Variants in TMEM117 observed in about 807,000 individuals in gnomAD.
TMEM117 encodes transmembrane protein 117.
Under a neutral mutation model 52.4 loss-of-function variants are expected in TMEM117, and 27 were observed. That is an observed-to-expected ratio of 0.51 (90% CI 0.38 to 0.71). The LOEUF is 0.71. Among genes scored for constraint, TMEM117 ranks in the 30% least tolerant of loss-of-function variants. The pLI is 0.00. For synonymous variants in TMEM117, 215 were observed against 206.3 expected (o/e 1.04, Z -0.36); for missense variants, 556 against 630.5 (o/e 0.88, Z 1.26).
intron 3 of TMEM117, among the ~76,000 whole-genome samples, chr12:43,996,166 A>G (rs1033484333): frequency 4.6e-5 from 7 of 152,224 alleles, no homozygotes; most frequent in East Asian, 1.9e-4. Context: ...AGAAAAAATG[A>G]AAGTTATTCA....
chr12:44,265,815 C>A (rs1180623864), intron 5 of TMEM117, among the ~76,000 whole-genome samples: 2 of 152,108 alleles, frequency 1.3e-5, no homozygotes. Flanking sequence ...TATTTATTTA[C>A]CTATTCTGGA....
chr12:44,123,159 CGTT>C (rs1201571234), intron 3 of TMEM117, among the ~76,000 whole-genome samples: 2 of 151,800 alleles, frequency 1.3e-5, no homozygotes, highest in South Asian at 2.1e-4. Context: ...CTCTAATAAT[CGTT>C]GTTGAGCTTT....
At chr12:44,090,839 G>GTTTTTTTTTTTTTTTTTTTTTTT (rs1264179472) in intron 3 of TMEM117, among the ~76,000 whole-genome samples, 2 of 104,802 alleles carry the variant, frequency 1.9e-5, no homozygotes, top group African/African-American at 4.5e-5. Context: ...GTATTTATGT[G>GTTTTTTTTTTTTTTTTTTTTTTT]TTTTTTTTTG....
chr12:44,300,141 G>T lies in TMEM117; in HGVS notation c.768+402G>T, dbSNP rs538021828. ...AAAAGCAATTGTCAAAGCAACTCAG[G>T]GTTTTATAGCAGTTGAAATGAAGTG... On this transcript the variant is annotated intron_variant, in intron 6 of 7. Transcript: ENST00000266534. Among the ~76,000 whole-genome samples, 5 of 152,188 alleles carry T rather than the reference G, an allele frequency of 3.3e-5. No homozygotes were observed. In the South Asian group the frequency reaches 1.0e-3, roughly 32 times the overall value.
intron 3 of TMEM117, among the ~76,000 whole-genome samples, chr12:44,031,782 G>T (rs1357541058): frequency 6.6e-6 from 1 of 152,100 alleles, no homozygotes; most frequent in African/African-American, 2.4e-5. Flanking sequence ...CTTAATTTAT[G>T]GCAATGTAGT....
rs1592690366 is a variant in TMEM117, at chr12:44,319,147, C to T, written c.768+19408C>T. On this transcript the variant is annotated intron_variant, in intron 6 of 7. Coordinates refer to ENST00000266534, the MANE Select transcript of TMEM117 (RefSeq NM_032256.3). ...CTACTCAGCACCAGAGCAAGCTCTG[C>T]AATCTCTGATCCAAGACTATAATGC... 2.0e-5 allele frequency among the ~76,000 whole-genome samples: 3 copies of T among 152,336 alleles called. No homozygotes were observed. The South Asian group carries it at 6.2e-4, about 32-fold the overall frequency.
At chr12:43,970,952 T>C (rs1945575027) in intron 3 of TMEM117, among the ~76,000 whole-genome samples, 1 of 152,182 alleles carries the variant, frequency 6.6e-6, no homozygotes, top group Non-Finnish European at 1.5e-5. Context: ...CATTTGAATA[T>C]GTCAACGGTA....
intron 5 of TMEM117, among the ~76,000 whole-genome samples, chr12:44,231,861 A>AT (rs1036750701): frequency 6.6e-6 from 1 of 151,692 alleles, no homozygotes; most frequent in African/African-American, 2.4e-5. Context: ...TATGGTGCTC[A>AT]TTTGGTACCT....
intron 2 of TMEM117, among the ~76,000 whole-genome samples, chr12:43,925,546 C>T (rs926012846): frequency 4.6e-5 from 7 of 152,178 alleles, no homozygotes; most frequent in African/African-American, 7.2e-5. Context: ...GCCACAGCTG[C>T]GGGCTTTAGG....
At chr12:44,260,433 T>A (rs1212221226) in intron 5 of TMEM117, among the ~76,000 whole-genome samples, 1 of 152,218 alleles carries the variant, frequency 6.6e-6, no homozygotes, top group Admixed American at 6.5e-5. Flanking sequence ...ACCTAAAGGA[T>A]GCTGTAATTC....
rs541099678 is a variant in TMEM117, at chr12:44,147,377, G to A, written c.510+3753G>A. Among the ~76,000 whole-genome samples the A allele has an allele frequency of 2.6e-5, 4 of 152,218 alleles. No individual in the cohort carries two copies. In the East Asian group the frequency reaches 7.7e-4, roughly 29 times the overall value. ...TGCCATTGCTGCTTCAGCTTCTGAT[G>A]AGGTCTAAGGTGGCAGGGGATTCCA... On this transcript the variant is annotated intron_variant, in intron 4 of 7. Coordinates refer to ENST00000266534, the MANE Select transcript of TMEM117 (RefSeq NM_032256.3).
At chr12:44,182,989 C>G (rs938447029) in intron 4 of TMEM117, among the ~76,000 whole-genome samples, 1 of 151,976 alleles carries the variant, frequency 6.6e-6, no homozygotes, top group Non-Finnish European at 1.5e-5. Context: ...TAAAATAATC[C>G]AATGAACATC....
chr12:43,928,224 C>A (rs17093941), intron 2 of TMEM117, among the ~76,000 whole-genome samples: 1 of 151,982 alleles, frequency 6.6e-6, no homozygotes, highest in Admixed American at 6.6e-5. Flanking sequence ...TACTTCCATG[C>A]GATTGCTGTT....
At chr12:44,366,229 A>G (rs1951787241) in intron 6 of TMEM117, among the ~76,000 whole-genome samples, 1 of 152,026 alleles carries the variant, frequency 6.6e-6, no homozygotes. Flanking sequence ...TGCTGTAGCC[A>G]CCTCAGGCTT....
chr12:43,858,643 C>T (rs1012301501), intron 2 of TMEM117, among the ~76,000 whole-genome samples: 1 of 152,158 alleles, frequency 6.6e-6, no homozygotes, highest in African/African-American at 2.4e-5. Flanking sequence ...CTACTCCATG[C>T]TTGTTATGAT....
intron 6 of TMEM117, among the ~76,000 whole-genome samples, chr12:44,355,308 G>A (rs1272738226): frequency 6.6e-6 from 1 of 152,030 alleles, no homozygotes; most frequent in Non-Finnish European, 1.5e-5. Context: ...CAAAATAAAT[G>A]TCTGAGAGAT....
intron 3 of TMEM117, among the ~76,000 whole-genome samples, chr12:44,095,539 G>A (rs916277646): frequency 9.2e-5 from 14 of 152,062 alleles, no homozygotes; most frequent in African/African-American, 3.4e-4. Context: ...GATAGTGAGT[G>A]TGTATTAGTA....
At chr12:44,245,971 AT>A (rs1229168547) in intron 5 of TMEM117, among the ~76,000 whole-genome samples, 2 of 152,096 alleles carry the variant, frequency 1.3e-5, no homozygotes, top group Admixed American at 6.6e-5. Flanking sequence ...TGTATGCACC[AT>A]TTTTTAAAAA....
chr12:44,056,739 A>AGT, intron 3 of TMEM117, among the ~76,000 whole-genome samples: 1 of 152,212 alleles, frequency 6.6e-6, no homozygotes, highest in South Asian at 2.1e-4. Context: ...GCACTGTGAT[A>AGT]GTGTGTGTAT....
Sources: allele counts gnomAD v4.1 joint callset (sites outside exome capture counted in the v4.1 genomes callset), GRCh38; gene constraint gnomAD v4.1.1; transcripts MANE v1.5; gene names NCBI Gene and HGNC (gene_info 2026-07-23, HGNC 2026-07-21).